Variants in SEC23IP observed in about 807,000 individuals in gnomAD.
SEC23IP encodes SEC23 interacting protein.
A neutral mutation model predicts 113.4 loss-of-function variants in SEC23IP; 70 were observed. The observed-to-expected ratio is 0.62, with a 90% confidence interval of 0.51 to 0.75. The LOEUF (loss-of-function observed/expected upper bound fraction) is 0.75, where lower values mean the gene tolerates loss of function less well. Ranked by LOEUF, SEC23IP falls within the 30% of genes least tolerant of loss-of-function variation. The pLI is 0.00. For missense variants in SEC23IP, 1,160 were observed against 1,204.9 expected (o/e 0.96, Z 0.55); for synonymous variants, 398 against 421.0 (o/e 0.95, Z 0.67).
rs1179133168 is a variant in SEC23IP, at chr10:119,918,531, A to G, written c.1872+20A>G. 7 of 1,392,436 alleles carry G rather than the reference A, an allele frequency of 5.0e-6. No homozygotes were observed. Among genetic ancestry groups the G allele is most frequent in the Admixed American group, 1.7e-5 (1 of 58,094 alleles). The allele number at this position is 1,392,436 out of a possible 1,614,324, so 86.3% of individuals were successfully genotyped here. A position where few individuals can be genotyped will look rare whatever the true frequency, so the allele number is the denominator to read the frequency against. ...AAGCAGGTACGTCTGTACGTGGCCA[A>G]TTAACATTTCGATTTAGAGTCTATG... On this transcript the variant is annotated intron_variant, in intron 10 of 18. Transcript: ENST00000369075.
intron 12 of SEC23IP, among the ~76,000 whole-genome samples, chr10:119,924,320 CT>C (rs1244591510): frequency 6.6e-6 from 1 of 152,192 alleles, no homozygotes; most frequent in Non-Finnish European, 1.5e-5. Context: ...ACAAGTCCCC[CT>C]CCCACCCAAC....
At chr10:119,939,821 G>A (rs530043026) in intron 18 of SEC23IP, among the ~76,000 whole-genome samples, 1 of 152,142 alleles carries the variant, frequency 6.6e-6, no homozygotes, top group South Asian at 2.1e-4. Context: ...TTAGCATCTC[G>A]AGAGGCTGGG....
intron 5 of SEC23IP, among the ~76,000 whole-genome samples, chr10:119,910,251 CCTTTTT>C (rs1589830736): frequency 6.6e-6 from 1 of 152,100 alleles, no homozygotes; most frequent in East Asian, 1.9e-4. Context: ...AAAAATGTGT[CCTTTTT>C]CTTTTTATTT....
chr10:119,922,016 C>A (rs1266816545), intron 12 of SEC23IP, among the ~76,000 whole-genome samples: 1 of 152,166 alleles, frequency 6.6e-6, no homozygotes, highest in South Asian at 2.1e-4. Context: ...TCTTTTGAGT[C>A]AGGCACTGTG....
At chr10:119,934,875 A>C (rs2420648) in intron 18 of SEC23IP, among the ~76,000 whole-genome samples, 5 of 152,188 alleles carry the variant, frequency 3.3e-5, no homozygotes, top group African/African-American at 1.2e-4. Flanking sequence ...GGTGTCTCAC[A>C]CCTCTAATCT....
intron 1 of SEC23IP, chr10:119,898,154 CAG>C: frequency 3.2e-6 from 1 of 315,608 alleles, no homozygotes; most frequent in Non-Finnish European, 5.5e-6. Context: ...AAAATGTTAA[CAG>C]TGTTAACAGC....
Position 119,912,108 on chromosome 10 carries a change from C to G in SEC23IP, c.1256C>G (p.Thr419Arg), listed in dbSNP as rs746262767. ...DEWGTTQDGQ[T>R]RPRVVKRGID... ...TGGGGCACCACGCAAGATGGACAGA[C>G]AAGGCCCAGGGTTGTAAAGCGTGGA... Residue 419 changes from threonine (T) to arginine (R), a missense_variant, in exon 6 of 19, where the codon ACA becomes AGA. Thr to Arg is a moderately conservative substitution (Grantham distance 71). Transcript: ENST00000369075. 4 of 1,614,120 alleles carry G rather than the reference C, an allele frequency of 2.5e-6. No homozygotes were observed. The highest frequency in any genetic ancestry group is 3.4e-6 in the Non-Finnish European group (4 of 1,179,988).
chr10:119,906,283 GAA>G (rs59914110), intron 4 of SEC23IP, among the ~76,000 whole-genome samples: 2,129 of 114,794 alleles, frequency 0.019, 13 homozygotes, highest in Non-Finnish European at 0.025. Flanking sequence ...CCTTGTCTCA[GAA>G]AAAAAAAAAA....
intron 18 of SEC23IP, among the ~76,000 whole-genome samples, chr10:119,939,935 G>C (rs149806704): frequency 6.6e-6 from 1 of 152,258 alleles, no homozygotes; most frequent in African/African-American, 2.4e-5. Context: ...GAGCTGAGAT[G>C]ATCCACTTGC....
intron 6 of SEC23IP, chr10:119,914,457 A>G: frequency 2.4e-6 from 1 of 416,270 alleles, no homozygotes; most frequent in Non-Finnish European, 4.4e-6. Context: ...TGGAGCCTCC[A>G]TAGATACAAA....
Position 119,897,346 on chromosome 10 carries a change from C to T in SEC23IP, c.164-1081C>T, listed in dbSNP as rs532781643. Among the ~76,000 whole-genome samples, 46 of 152,326 alleles carry T rather than the reference C, an allele frequency of 3.0e-4. 1 individual carries two copies. In the South Asian group the frequency reaches 8.9e-3, roughly 29 times the overall value. On this transcript the variant is annotated intron_variant, in intron 1 of 18. Coordinates refer to ENST00000369075, the MANE Select transcript of SEC23IP (RefSeq NM_007190.4). ...TTTATTTTACAACTTGGTAGTAGAA[C>T]AGAAGCTAAATTATTTGGAGTCGTT...
chr10:119,913,654 G>A (rs542240558), intron 6 of SEC23IP, among the ~76,000 whole-genome samples: 1 of 151,838 alleles, frequency 6.6e-6, no homozygotes, highest in East Asian at 2.0e-4. Context: ...ACCACGCCCG[G>A]CTAATTTTTG....
chr10:119,908,903 T>C (rs1854766877), intron 4 of SEC23IP, 138 bp from the exon 5 acceptor site: 1 of 605,494 alleles, frequency 1.7e-6, no homozygotes, highest in East Asian at 2.8e-5. Flanking sequence ...TGATAAAAAA[T>C]ATGTTAACCA....
chr10:119,929,658 T>C lies in SEC23IP; in HGVS notation c.2365T>C (p.Leu789=). Reference sequence around the variant, plus strand: ...TTTTGAACCAGAGATATTCTTTGCCTTGGGGTCTCCAATTGCTATGTTTCT... The same window carrying C: ...TTTTGAACCAGAGATATTCTTTGCCCTGGGGTCTCCAATTGCTATGTTTCT... ...LDFEPEIFFA[L]GSPIAMFLTI... is the part of the protein sequence containing the mutation. The change falls in exon 14 of 19, where the codon TTG becomes CTG. Residue 789 remains leucine, a synonymous_variant. Coordinates refer to ENST00000369075, the MANE Select transcript of SEC23IP (RefSeq NM_007190.4). 6.2e-7 allele frequency: 1 copy of C among 1,609,580 alleles called. No individual in the cohort carries two copies. Among genetic ancestry groups the C allele is most frequent in the South Asian group, 1.1e-5 (1 of 90,978 alleles).
At position 119,940,719 on chromosome 10, in the gene SEC23IP, G is replaced by C. The variant is rs563315463; in HGVS notation, c.*154G>C. 6.6e-6 allele frequency: 1 copy of C among 151,974 alleles called. No homozygotes were observed. The highest frequency in any genetic ancestry group is 1.5e-5 in the Non-Finnish European group (1 of 68,038). 9.4% of individuals were successfully genotyped at this position (151,974 alleles called of 1,614,324 possible). On this transcript the variant is annotated 3_prime_UTR_variant, in exon 19 of 19. Coordinates refer to ENST00000369075, the MANE Select transcript of SEC23IP (RefSeq NM_007190.4). ...AACAATTGCTCAGCCACAATTCTCGGATATAGGGATTCAAAAGACAGGACA... is the reference window on the plus strand; with the variant it reads ...AACAATTGCTCAGCCACAATTCTCGCATATAGGGATTCAAAAGACAGGACA...
chr10:119,897,440 C>G (rs753852151), intron 1 of SEC23IP, among the ~76,000 whole-genome samples: 1 of 152,162 alleles, frequency 6.6e-6, no homozygotes, highest in African/African-American at 2.4e-5. Flanking sequence ...AAGTGACCTT[C>G]TCAGCAATTT....
At chr10:119,901,200 T>C (rs1309594022) in intron 2 of SEC23IP, among the ~76,000 whole-genome samples, 1 of 151,870 alleles carries the variant, frequency 6.6e-6, no homozygotes. Context: ...GTAGAAACGG[T>C]ATTGCTGTGT....
At chr10:119,930,848 T>TA (rs1426869086) in intron 15 of SEC23IP, among the ~76,000 whole-genome samples, 22 of 152,332 alleles carry the variant, frequency 1.4e-4, no homozygotes, top group African/African-American at 5.1e-4. Context: ...TCATTAAACA[T>TA]AATGGATTGG....
intron 4 of SEC23IP, among the ~76,000 whole-genome samples, chr10:119,905,071 C>T (rs573098561): frequency 1.2e-4 from 18 of 151,892 alleles, no homozygotes; most frequent in African/African-American, 4.1e-4. Context: ...GAAGTTGAGG[C>T]TGCAGGGAGC....
Sources: gnomAD v4.1 joint callset for allele counts (sites outside exome capture counted in the v4.1 genomes callset) on GRCh38, gnomAD v4.1.1 for gene constraint, MANE v1.5 for transcripts, NCBI Gene and HGNC (gene_info 2026-07-23, HGNC 2026-07-21) for gene names.